Variants in NREP observed in about 807,000 individuals in gnomAD.
NREP encodes neuronal regeneration-related protein.
NREP carries 5 observed loss-of-function variants against 8.6 expected under a neutral mutation model. The observed-to-expected ratio is 0.58, with a 90% CI of 0.30 to 1.22. The LOEUF (loss-of-function observed/expected upper bound fraction) is 1.22. Among genes scored for constraint, NREP ranks in the 50% most tolerant of loss-of-function variants. The pLI is 0.07. For synonymous variants in NREP, 27 were observed against 28.0 expected (o/e 0.96, Z 0.11); for missense variants, 86 against 82.5 (o/e 1.04, Z -0.17).
At chr5:111,884,724 C>T (rs892779365) in intron 2 of NREP, among the ~76,000 whole-genome samples, 5 of 152,124 alleles carry the variant, frequency 3.3e-5, no homozygotes, top group African/African-American at 1.2e-4. Context: ...ACACAAAAAC[C>T]ACATGATTAT....
At chr5:111,731,470 G>A (rs1011310096) in intron 3 of NREP, among the ~76,000 whole-genome samples, 7 of 150,152 alleles carry the variant, frequency 4.7e-5, no homozygotes, top group Non-Finnish European at 7.4e-5. Context: ...TGATGAAGAC[G>A]GGTTAACAAT....
At chr5:111,947,045 G>T (rs1484758657) in intron 2 of NREP, among the ~76,000 whole-genome samples, 2 of 151,998 alleles carry the variant, frequency 1.3e-5, no homozygotes, top group Admixed American at 6.6e-5. Flanking sequence ...ATGGCTATTT[G>T]TAAGATTCCA....
chr5:111,864,061 G>A, intron 2 of NREP, among the ~76,000 whole-genome samples: 1 of 152,212 alleles, frequency 6.6e-6, no homozygotes, highest in Non-Finnish European at 1.5e-5. Flanking sequence ...AAGGAGAACT[G>A]TCAAGAAGGA....
intron 3 of NREP, chr5:111,732,035 T>C (rs1222020355): frequency 6.6e-6 from 1 of 152,234 alleles, no homozygotes; most frequent in East Asian, 1.9e-4. Flanking sequence ...GGAGTTTTAA[T>C]TACTGACATT....
intron 2 of NREP, among the ~76,000 whole-genome samples, chr5:111,964,528 G>C (rs1321873884): frequency 6.6e-6 from 1 of 151,862 alleles, no homozygotes; most frequent in Non-Finnish European, 1.5e-5. Context: ...CACCATGCCT[G>C]GCTAAAAATT....
chr5:111,757,247 TGGGGGAGGGA>T (rs1218855701), upstream of NREP: 1 of 4,056 alleles, frequency 2.5e-4, no homozygotes, highest in Admixed American at 5.2e-3. Context: ...GAGGGGGGAT[TGGGGGAGGGA>T]GGGGGAGGGG....
intron 2 of NREP, among the ~76,000 whole-genome samples, chr5:111,869,601 C>T (rs1325771626): frequency 6.6e-6 from 1 of 152,070 alleles, no homozygotes; most frequent in Non-Finnish European, 1.5e-5. Flanking sequence ...AACTCAGGCT[C>T]TACTGTCAGA....
chr5:111,807,430 T>TTGA (rs1240683346), intron 2 of NREP, among the ~76,000 whole-genome samples: 1 of 152,214 alleles, frequency 6.6e-6, no homozygotes, highest in Non-Finnish European at 1.5e-5. Context: ...GTAAATGATA[T>TTGA]TGATTAAAAC....
intron 2 of NREP, among the ~76,000 whole-genome samples, chr5:111,799,219 T>C (rs1751944732): frequency 6.6e-6 from 1 of 152,216 alleles, no homozygotes; most frequent in African/African-American, 2.4e-5. Flanking sequence ...CCAGATTTGT[T>C]CTCTTTGCTT....
At chr5:111,955,180 C>T (rs1324422658) in intron 2 of NREP, among the ~76,000 whole-genome samples, 2 of 152,120 alleles carry the variant, frequency 1.3e-5, no homozygotes, top group Non-Finnish European at 2.9e-5. Flanking sequence ...TGGTGAGAGC[C>T]AGCTCTCAGA....
intron 2 of NREP, among the ~76,000 whole-genome samples, chr5:111,973,400 T>A (rs548950066): frequency 6.6e-6 from 1 of 152,300 alleles, no homozygotes; most frequent in East Asian, 1.9e-4. Context: ...TCTCCCACAT[T>A]TCCTGAGCCA....
At chr5:111,916,489 CA>C (rs1340217008) in intron 2 of NREP, among the ~76,000 whole-genome samples, 1 of 152,146 alleles carries the variant, frequency 6.6e-6, no homozygotes, top group Non-Finnish European at 1.5e-5. Context: ...ACCCTATCAT[CA>C]CATCTCTGTA....
At chr5:111,851,623 A>T (rs1408660403) in intron 2 of NREP, among the ~76,000 whole-genome samples, 1 of 152,146 alleles carries the variant, frequency 6.6e-6, no homozygotes, top group Non-Finnish European at 1.5e-5. Flanking sequence ...AAGGGTGGTT[A>T]TCAGAGGCTG....
At chr5:111,736,964 A>G (rs980337916) in intron 2 of NREP, among the ~76,000 whole-genome samples, 1 of 151,484 alleles carries the variant, frequency 6.6e-6, no homozygotes, top group South Asian at 2.1e-4. Context: ...GCCTACCACC[A>G]CTCCCTCAAA....
intron 2 of NREP, among the ~76,000 whole-genome samples, chr5:111,972,676 C>T (rs1051868455): frequency 3.9e-5 from 6 of 152,154 alleles, no homozygotes; most frequent in African/African-American, 1.4e-4. Flanking sequence ...CCATACCCAC[C>T]TCTTTTTCAG....
intron 2 of NREP, among the ~76,000 whole-genome samples, chr5:111,932,345 C>T (rs760380609): frequency 1.3e-5 from 2 of 151,996 alleles, no homozygotes; most frequent in Non-Finnish European, 2.9e-5. Context: ...AATGTATTAA[C>T]ATGAATGATC....
At chr5:111,838,698 C>T (rs1253980810) in intron 2 of NREP, among the ~76,000 whole-genome samples, 1 of 151,792 alleles carries the variant, frequency 6.6e-6, no homozygotes, top group Non-Finnish European at 1.5e-5. Context: ...CCTTGAAATT[C>T]ATGATGATAT....
intron 2 of NREP, among the ~76,000 whole-genome samples, chr5:111,920,678 A>T (rs1755212944): frequency 6.6e-6 from 1 of 152,120 alleles, no homozygotes; most frequent in African/African-American, 2.4e-5. Context: ...TACATAAGGC[A>T]TGAATTTCTG....
In NREP at chr5:111,735,333, C is replaced by T. The variant is rs1749002621; in HGVS notation, c.81+97G>A. On this transcript the variant is annotated intron_variant, in intron 3 of 3. Transcript: ENST00000257435. ...TCAGATTAATGGATTGTTATAGCAG[C>T]CTATAATGGGTATTCAAATGAAAAA... 6.6e-6 allele frequency: 5 copies of T among 760,976 alleles called. 1 individual carries two copies. The highest frequency in any genetic ancestry group is 4.5e-6 in the Non-Finnish European group (2 of 440,752). 47.1% of individuals were successfully genotyped at this position (760,976 alleles called of 1,614,324 possible). A position where few individuals can be genotyped will look rare whatever the true frequency, so the allele number is the denominator to read the frequency against.
Sources: gnomAD v4.1 joint callset for allele counts (sites outside exome capture counted in the v4.1 genomes callset) on GRCh38, gnomAD v4.1.1 for gene constraint, MANE v1.5 for transcripts, NCBI Gene and HGNC (gene_info 2026-07-23, HGNC 2026-07-21) for gene names.